Variants in IFT140 observed in about 807,000 individuals in gnomAD.
The protein encoded by IFT140 is intraflagellar transport protein 140 homolog.
Under a neutral mutation model 164.6 loss-of-function variants are expected in IFT140, and 133 were observed. The observed-to-expected ratio is 0.81, with a 90% CI of 0.70 to 0.93. The LOEUF (loss-of-function observed/expected upper bound fraction) is 0.93. IFT140 is among the 40% of genes least tolerant of loss of function. IFT140 has a pLI of 0.00. For missense variants in IFT140, 2,045 were observed against 1,972.3 expected (o/e 1.04, Z -0.70); for synonymous variants, 860 against 817.3 (o/e 1.05, Z -0.89).
chr16:1,587,409 CA>C (rs1184344177), intron 8 of IFT140, 105 bp from the exon 9 acceptor site: 2 of 711,126 alleles, frequency 2.8e-6, no homozygotes, highest in Non-Finnish European at 5.0e-6. Flanking sequence ...AGGAAAAAGA[CA>C]TAGTTCATCA....
intron 4 of IFT140, among the ~76,000 whole-genome samples, 188 bp from the exon 5 acceptor site, chr16:1,592,776 G>A (rs997559359): frequency 1.3e-5 from 2 of 151,046 alleles, no homozygotes; most frequent in Admixed American, 1.3e-4. Context: ...CTGGTGGAGG[G>A]ACAGGTGAAC....
In IFT140 at chr16:1,526,096, C is replaced by G; in HGVS notation, c.2578-19G>C. ...CGTCCTCCTGAGGAATGAGGATGGG[C>G]AGGTGTCGTGCAGCCTCCACACACC... On this transcript the variant is annotated intron_variant, in intron 20 of 30. Coordinates refer to ENST00000426508, the MANE Select transcript of IFT140 (RefSeq NM_014714.4). 6.4e-7 allele frequency: 1 copy of G among 1,564,412 alleles called. No homozygotes were observed.
At chr16:1,586,629 AC>A (rs1567406065) in intron 9 of IFT140, among the ~76,000 whole-genome samples, 50 of 66,030 alleles carry the variant, frequency 7.6e-4, no homozygotes, top group Middle Eastern at 7.4e-3. Flanking sequence ...ACATGCATGC[AC>A]ACACACACAC....
At chr16:1,534,245 C>A (rs376578766) in intron 19 of IFT140, 1 of 1,605,952 alleles carries the variant, frequency 6.2e-7, no homozygotes. Flanking sequence ...ACTTGGCTTT[C>A]TCCGGATAAG....
At chr16:1,571,788 C>A (rs1336696552) in intron 13 of IFT140, among the ~76,000 whole-genome samples, 1 of 152,104 alleles carries the variant, frequency 6.6e-6, no homozygotes, top group Non-Finnish European at 1.5e-5. Context: ...CTGGTGCCTC[C>A]AGTCTAGAGG....
chr16:1,568,188 GTGGGC>G, intron 15 of IFT140, 24 bp downstream of exon 15: 3 of 1,503,218 alleles, frequency 2.0e-6, no homozygotes, highest in Non-Finnish European at 2.7e-6. Flanking sequence ...AGGAGGCGGA[GTGGGC>G]GAGTGGACGA....
chr16:1,534,642 G>T, intron 19 of IFT140: 1 of 1,570,624 alleles, frequency 6.4e-7, no homozygotes, highest in South Asian at 1.1e-5. Flanking sequence ...TGGTGAGCGG[G>T]TGGGGAGGCC....
intron 13 of IFT140, among the ~76,000 whole-genome samples, chr16:1,571,765 C>T (rs187660140): frequency 1.3e-4 from 20 of 152,316 alleles, no homozygotes; most frequent in Middle Eastern, 3.4e-3. Context: ...GGGGCCCTGT[C>T]CTCAGGAGAG....
intron 19 of IFT140, among the ~76,000 whole-genome samples, chr16:1,536,856 C>T (rs1000865726): frequency 6.6e-6 from 1 of 152,248 alleles, no homozygotes; most frequent in Non-Finnish European, 1.5e-5. Flanking sequence ...ATTCGCTGCC[C>T]CCACTCACGT....
intron 14 of IFT140, among the ~76,000 whole-genome samples, chr16:1,570,235 G>A (rs2033948426): frequency 1.3e-5 from 2 of 152,326 alleles, no homozygotes; most frequent in South Asian, 4.1e-4. Context: ...TGCTGGGACA[G>A]GGTTGTTGCT....
At chr16:1,534,162 A>T in intron 19 of IFT140, 1 of 1,389,212 alleles carries the variant, frequency 7.2e-7, no homozygotes, top group Non-Finnish European at 9.6e-7. Flanking sequence ...CGCCGCCCCG[A>T]GGATGAGTGG....
intron 21 of IFT140, among the ~76,000 whole-genome samples, chr16:1,525,636 G>C (rs566426439): frequency 6.6e-6 from 1 of 152,360 alleles, no homozygotes; most frequent in South Asian, 2.1e-4. Context: ...TCTGTGCTCG[G>C]CAACTGACAC....
chr16:1,569,776 T>C (rs763491265), intron 14 of IFT140, among the ~76,000 whole-genome samples: 2 of 150,786 alleles, frequency 1.3e-5, no homozygotes, highest in Non-Finnish European at 3.0e-5. Flanking sequence ...TTTTAAGAAA[T>C]TGGGTTTCAC....
At chr16:1,534,458 T>C (rs2030847303) in intron 19 of IFT140, 3 of 1,611,228 alleles carry the variant, frequency 1.9e-6, no homozygotes, top group Non-Finnish European at 2.5e-6. Context: ...GGCCGAGCCC[T>C]GGGGCCAGAG....
chr16:1,609,463 T>A (rs1394304820), intron 2 of IFT140, among the ~76,000 whole-genome samples: 1 of 152,210 alleles, frequency 6.6e-6, no homozygotes, highest in Non-Finnish European at 1.5e-5. Flanking sequence ...TGGCTGCATT[T>A]AGACTTTACC....
At chr16:1,522,348 C>G (rs568026212) in intron 26 of IFT140, among the ~76,000 whole-genome samples, 179 of 151,856 alleles carry the variant, frequency 1.2e-3, no homozygotes, top group African/African-American at 4.1e-3. Flanking sequence ...CAGAGAGAGA[C>G]TCTGTCTCAA....
At position 1,592,658 on chromosome 16, in the gene IFT140, CTGG is replaced by C. The variant is rs2035243275; in HGVS notation, c.370-73_370-71del. 7 of 1,528,284 alleles carry C rather than the reference CTGG, an allele frequency of 4.6e-6. 1 individual carries two copies. In the African/African-American group the frequency reaches 5.8e-5, roughly 13 times the overall value. 94.7% of individuals were successfully genotyped at this position (1,528,284 alleles called of 1,614,324 possible). A position where few individuals can be genotyped will look rare whatever the true frequency, so the allele number is the denominator to read the frequency against. On this transcript the variant is annotated intron_variant, in intron 4 of 30. Coordinates refer to ENST00000426508, the MANE Select transcript of IFT140 (RefSeq NM_014714.4). ...AGCGACTGGTGGAGGGACAGGTGTCCTGGCAGAGCGACTGGTGGTGGGACAGGT... is the reference window on the plus strand; with the variant it reads ...AGCGACTGGTGGAGGGACAGGTGTCCCAGAGCGACTGGTGGTGGGACAGGT...
chr16:1,596,735 C>T (rs1001817532), intron 4 of IFT140, among the ~76,000 whole-genome samples: 3 of 152,132 alleles, frequency 2.0e-5, no homozygotes, highest in South Asian at 2.1e-4. Flanking sequence ...AAGTACAAGA[C>T]GTAGAACTGA....
In IFT140 at chr16:1,523,975, G is replaced by T; in HGVS notation, c.3142-19C>A. On this transcript the variant is annotated intron_variant, in intron 24 of 30. Transcript: ENST00000426508. The stretch of plus-strand genomic sequence containing the variant: ...CGTTCTCCTGCAGGGAGGGAGGCAG[G>T]GCCCTGAAGCGGCTCCCACTGGCTT... 1.2e-6 allele frequency: 2 copies of T among 1,607,400 alleles called. No individual in the cohort carries two copies. Among genetic ancestry groups the T allele is most frequent in the Non-Finnish European group, 1.7e-6 (2 of 1,178,838 alleles).
Sources: allele counts gnomAD v4.1 joint callset (sites outside exome capture counted in the v4.1 genomes callset), GRCh38; gene constraint gnomAD v4.1.1; transcripts MANE v1.5; gene names NCBI Gene and HGNC (gene_info 2026-07-23, HGNC 2026-07-21).